PRDM6: variants seen among roughly 807,000 people sequenced by gnomAD.
PRDM6 encodes the protein PR/SET domain 6, also known as putative histone-lysine N-methyltransferase PRDM6.
PRDM6 carries 25 observed loss-of-function variants against 60.8 expected under a neutral mutation model. The observed-to-expected ratio is 0.41, with a 90% CI of 0.30 to 0.57. The LOEUF (loss-of-function observed/expected upper bound fraction) is 0.57, where lower values mean the gene tolerates loss of function less well. Among genes scored for constraint, PRDM6 ranks in the 20% least tolerant of loss-of-function variants. The pLI is 0.27. For synonymous variants in PRDM6, 407 were observed against 357.4 expected, an observed-to-expected ratio of 1.14 and a Z score of -1.57; for missense variants, 839 against 821.3, an observed-to-expected ratio of 1.02 and a Z score of -0.26.
intron 3 of PRDM6, among the ~76,000 whole-genome samples, chr5:123,142,111 G>A (rs1013957106): frequency 2.0e-5 from 3 of 152,084 alleles, no homozygotes; most frequent in South Asian, 2.1e-4. Context: ...AAAAGATTGC[G>A]ACTTAGGTTA....
intron 3 of PRDM6, among the ~76,000 whole-genome samples, chr5:123,142,150 A>AT (rs1192314005): frequency 6.6e-6 from 1 of 152,074 alleles, no homozygotes; most frequent in African/African-American, 2.4e-5. Context: ...GGGTATTGAA[A>AT]TTTTTTTATA....
intron 3 of PRDM6, among the ~76,000 whole-genome samples, chr5:123,136,240 A>G (rs1764946460): frequency 6.6e-6 from 1 of 152,184 alleles, no homozygotes. Flanking sequence ...TACGAGTTTT[A>G]AGACTATGAT....
intron 2 of PRDM6, among the ~76,000 whole-genome samples, chr5:123,094,954 C>T (rs1763924970): frequency 6.6e-6 from 1 of 152,234 alleles, no homozygotes; most frequent in Admixed American, 6.5e-5. Flanking sequence ...GTCCCAGGGT[C>T]AAGCCCGCAG....
At chr5:123,164,827 T>G (rs190469822) in intron 5 of PRDM6, among the ~76,000 whole-genome samples, 1 of 152,002 alleles carries the variant, frequency 6.6e-6, no homozygotes, top group African/African-American at 2.4e-5. Context: ...CTCGGATGAG[T>G]TGTTTCCAGG....
intron 6 of PRDM6, among the ~76,000 whole-genome samples, chr5:123,178,286 A>T (rs1302537973): frequency 6.6e-6 from 1 of 152,234 alleles, no homozygotes; most frequent in African/African-American, 2.4e-5. Flanking sequence ...AGAGGCTAAT[A>T]AATGTTAATG....
Position 123,090,623 on chromosome 5 carries a change from C to T in PRDM6, c.592+17C>T, listed in dbSNP as rs1264576259. 2.7e-6 allele frequency: 4 copies of T among 1,500,818 alleles called. No individual in the cohort carries two copies. In the Admixed American group the frequency reaches 6.2e-5, roughly 23 times the overall value. The allele number at this position is 1,500,818 out of a possible 1,614,324, so 93.0% of individuals were successfully genotyped here. Reference sequence around the variant, plus strand: ...CCAACAACCGTACGTAGCCGCAGCCCGCGCGCTCTCTCCCGGGGCGCCGGC... The same window carrying T: ...CCAACAACCGTACGTAGCCGCAGCCTGCGCGCTCTCTCCCGGGGCGCCGGC... On this transcript the variant is annotated intron_variant, in intron 2 of 7. Transcript: ENST00000407847.
intron 3 of PRDM6, among the ~76,000 whole-genome samples, chr5:123,133,868 C>A (rs898153418): frequency 6.6e-6 from 1 of 150,768 alleles, no homozygotes; most frequent in African/African-American, 2.4e-5. Flanking sequence ...CCTTCTGTAG[C>A]ATGTTAGAAA....
At chr5:123,116,716 A>G (rs1454680899) in intron 3 of PRDM6, among the ~76,000 whole-genome samples, 1 of 152,188 alleles carries the variant, frequency 6.6e-6, no homozygotes, top group African/African-American at 2.4e-5. Context: ...GTTGGGACCT[A>G]GAGGGACGGT....
intron 3 of PRDM6, among the ~76,000 whole-genome samples, chr5:123,146,049 A>T (rs557346191): frequency 6.6e-6 from 1 of 152,188 alleles, no homozygotes; most frequent in Non-Finnish European, 1.5e-5. Flanking sequence ...TTTTTTAGAG[A>T]TGTTCCCTTT....
chr5:123,163,471 T>C (rs1057000255), intron 5 of PRDM6, among the ~76,000 whole-genome samples: 5 of 152,354 alleles, frequency 3.3e-5, no homozygotes, highest in Admixed American at 6.5e-5. Context: ...GGACAGCTCA[T>C]TGAAAGCTGC....
At chr5:123,177,036 C>G (rs1432383243) in intron 6 of PRDM6, among the ~76,000 whole-genome samples, 2 of 152,120 alleles carry the variant, frequency 1.3e-5, no homozygotes, top group African/African-American at 4.8e-5. Flanking sequence ...TTGAAATGGG[C>G]AAACATAGTC....
At chr5:123,094,705 G>T (rs763628191) in intron 2 of PRDM6, among the ~76,000 whole-genome samples, 5 of 152,106 alleles carry the variant, frequency 3.3e-5, no homozygotes, top group Non-Finnish European at 7.3e-5. Flanking sequence ...GTAGGAGAGA[G>T]TGGAGCCAGC....
Position 123,189,777 on chromosome 5 carries a change from G to A in PRDM6, c.*2576G>A, listed in dbSNP as rs1010715023. On this transcript the variant is annotated 3_prime_UTR_variant, in exon 8 of 8. Coordinates refer to ENST00000407847, the MANE Select transcript of PRDM6 (RefSeq NM_001136239.4). ...ATTGCTGTCCTATTGCCAGCTTCTA[G>A]CAGACCAGCCTAGGCTGTCTGTCCA... The A allele has an allele frequency of 1.7e-4, 26 of 152,172 alleles. No individual in the cohort carries two copies. Among genetic ancestry groups the A allele is most frequent in the Admixed American group, 6.5e-5 (1 of 15,274 alleles). The allele number at this position is 152,172 out of a possible 1,614,324, so 9.4% of individuals were successfully genotyped here. A position where few individuals can be genotyped will look rare whatever the true frequency, so the allele number is the denominator to read the frequency against.
chr5:123,155,805 A>T, intron 3 of PRDM6, 79 bp from the exon 4 acceptor site: 1 of 1,490,266 alleles, frequency 6.7e-7, no homozygotes, highest in Non-Finnish European at 9.0e-7. Flanking sequence ...CAGCTGACAC[A>T]TAAAGACACC....
Position 123,129,989 on chromosome 5 carries a change from C to T in PRDM6, c.901-25895C>T, listed in dbSNP as rs138744035. On this transcript the variant is annotated intron_variant, in intron 3 of 7. Transcript: ENST00000407847. ...CTCCCTTCCCCTTCCCCTTTACTTTCCCTTCCCATTTCCCTTTCCTTTTCC... is the reference window on the plus strand; with the variant it reads ...CTCCCTTCCCCTTCCCCTTTACTTTTCCTTCCCATTTCCCTTTCCTTTTCC... Among the ~76,000 whole-genome samples the T allele has an allele frequency of 8.3e-3, 1,240 of 149,842 alleles. 25 individuals carry two copies. Among genetic ancestry groups the T allele is most frequent in the African/African-American group, 0.029 (1,178 of 40,764 alleles).
intron 7 of PRDM6, among the ~76,000 whole-genome samples, chr5:123,181,077 T>A (rs1303432523): frequency 1.3e-5 from 2 of 152,258 alleles, no homozygotes; most frequent in Non-Finnish European, 2.9e-5. Flanking sequence ...GTCTATTCAT[T>A]CACTTATTCA....
At chr5:123,094,582 C>T (rs1274648982) in intron 2 of PRDM6, among the ~76,000 whole-genome samples, 5 of 152,102 alleles carry the variant, frequency 3.3e-5, no homozygotes, top group African/African-American at 4.8e-5. Context: ...GAAGAGGTGG[C>T]GACTGTTTAT....
Position 123,193,066 on chromosome 5 carries a change from C to T in PRDM6, c.*5865C>T, listed in dbSNP as rs1766461227. ...ATTTCATCATGAACTGGCTTTATTACAACTCTTTACCGTGGTTTATTGAAA... is the reference window on the plus strand; with the variant it reads ...ATTTCATCATGAACTGGCTTTATTATAACTCTTTACCGTGGTTTATTGAAA... On this transcript the variant is annotated 3_prime_UTR_variant, in exon 8 of 8. Transcript: ENST00000407847. The T allele has an allele frequency of 6.6e-6, 1 of 152,190 alleles. No individual in the cohort carries two copies. Among genetic ancestry groups the T allele is most frequent in the South Asian group, 2.1e-4 (1 of 4,828 alleles). The allele number at this position is 152,190 out of a possible 1,614,324, so 9.4% of individuals were successfully genotyped here.
intron 3 of PRDM6, among the ~76,000 whole-genome samples, chr5:123,121,233 A>G (rs1764573772): frequency 6.6e-6 from 1 of 152,178 alleles, no homozygotes; most frequent in African/African-American, 2.4e-5. Context: ...GAAATTTCAA[A>G]CATGCCCCAA....
Sources: allele counts gnomAD v4.1 joint callset (sites outside exome capture counted in the v4.1 genomes callset), GRCh38; gene constraint gnomAD v4.1.1; transcripts MANE v1.5; gene names NCBI Gene and HGNC (gene_info 2026-07-23, HGNC 2026-07-21).